The following KLHL17 variants were observed in gnomAD, a reference collection of about 807,000 sequenced individuals.
KLHL17 encodes the protein kelch like family member 17.
A neutral mutation model predicts 64.6 loss-of-function variants in KLHL17; 71 were observed. That is an observed-to-expected ratio of 1.10 (90% CI 0.91 to 1.34). KLHL17 has a LOEUF of 1.34. Ranked by LOEUF, KLHL17 falls within the 40% of genes most tolerant of loss-of-function variation. The pLI is 0.00. For synonymous variants in KLHL17, 612 were observed against 405.4 expected, an observed-to-expected ratio of 1.51 and a Z score of -6.12; for missense variants, 1,140 against 935.0, an observed-to-expected ratio of 1.22 and a Z score of -2.86.
In KLHL17 at chr1:964,110, G is replaced by A; in HGVS notation, c.1448G>A (p.Gly483Glu). 2 of 1,612,696 alleles carry A rather than the reference G, an allele frequency of 1.2e-6. No individual in the cohort carries two copies. The highest frequency in any genetic ancestry group is 8.5e-7 in the Non-Finnish European group (1 of 1,179,928). ...CGGGTGTGTTGACTTCCGGCAGATGGGAACCTGTATGCTGTGGGCGGCTAC... is the reference window on the plus strand; with the variant it reads ...CGGGTGTGTTGACTTCCGGCAGATGAGAACCTGTATGCTGTGGGCGGCTAC... ...RRYVRVATLD[G>E]NLYAVGGYDS... Residue 483 changes from glycine to glutamate, a missense_variant, in exon 10 of 12, where the codon GGG (glycine) becomes GAG (glutamate). By Grantham distance (98) the Gly-to-Glu change is moderately conservative. Transcript: ENST00000338591.
Position 963,692 on chromosome 1 carries a change from C to T in KLHL17, c.1355+188C>T, listed in dbSNP as rs371486484. 138 of 833,054 alleles carry T rather than the reference C, an allele frequency of 1.7e-4. No individual in the cohort carries two copies. In the East Asian group the frequency reaches 2.2e-3, roughly 13 times the overall value. 51.6% of individuals were successfully genotyped at this position (833,054 alleles called of 1,614,324 possible). A position where few individuals can be genotyped will look rare whatever the true frequency, so the allele number is the denominator to read the frequency against. ...GCTGCCCCAGTGCCCTTTCCTCTCTCGGGTCCTTACCCCCAGTCCAGAGGC... is the reference window on the plus strand; with the variant it reads ...GCTGCCCCAGTGCCCTTTCCTCTCTTGGGTCCTTACCCCCAGTCCAGAGGC... On this transcript the variant is annotated intron_variant, in intron 8 of 11. Coordinates refer to ENST00000338591, the MANE Select transcript of KLHL17 (RefSeq NM_198317.3).
At position 965,490 on chromosome 1, in the gene KLHL17, C is replaced by G. The variant is rs1442379239; in HGVS notation, c.*299C>G. The G allele has an allele frequency of 2.3e-6, 1 of 432,412 alleles. No homozygotes were observed. The highest frequency in any genetic ancestry group is 3.9e-5 in the East Asian group (1 of 25,512). The allele number at this position is 432,412 out of a possible 1,614,324, so 26.8% of individuals were successfully genotyped here. A position where few individuals can be genotyped will look rare whatever the true frequency, so the allele number is the denominator to read the frequency against. On this transcript the variant is annotated 3_prime_UTR_variant, in exon 12 of 12. Transcript: ENST00000338591. ...GCCCCAGGGCCGTTGCCTGCTCAGA[C>G]CTTGCAGGCTGTGGAGCAAGAGGCC...
In KLHL17 at chr1:962,665, C is replaced by T. The variant is rs186293310; in HGVS notation, c.829-39C>T. 86 of 1,549,294 alleles carry T rather than the reference C, an allele frequency of 5.6e-5. No individual in the cohort carries two copies. The African/African-American group carries it at 8.0e-4, about 14-fold the overall frequency. ...TCTCAGCCCTGACGCCCAGTGTGCC[C>T]GAGGGTCCCGCCTGACCTTGGCGTT... On this transcript the variant is annotated intron_variant, in intron 5 of 11. Coordinates refer to ENST00000338591, the MANE Select transcript of KLHL17 (RefSeq NM_198317.3).
chr1:963,852 G>GGC, intron 8 of KLHL17, 68 bp from the exon 9 acceptor site: 2 of 1,499,214 alleles, frequency 1.3e-6, no homozygotes, highest in Non-Finnish European at 9.3e-7. Flanking sequence ...CGCTGGGGAG[G>GGC]GCAGGTCCTG....
chr1:961,292 G>T lies in KLHL17; in HGVS notation c.108-1G>T. On this transcript the variant is annotated splice_acceptor_variant, in intron 1 of 11. Transcript: ENST00000338591. LOFTEE classifies it high-confidence loss of function. ...AAGCCTGACCCGCCCGCCTCCTGCA[G>T]CCCCGAGGCAGAGCGCACGCGGCCC... 1 of 1,503,984 alleles carries T rather than the reference G, an allele frequency of 6.6e-7. No homozygotes were observed. The highest frequency in any genetic ancestry group is 8.8e-7 in the Non-Finnish European group (1 of 1,135,650). 93.2% of individuals were successfully genotyped at this position (1,503,984 alleles called of 1,614,324 possible).
intron 8 of KLHL17, 200 bp downstream of exon 8, chr1:963,704 C>G: frequency 2.4e-6 from 2 of 822,892 alleles, no homozygotes; most frequent in Non-Finnish European, 3.7e-6. Flanking sequence ...GGTCCTTACC[C>G]CCAGTCCAGA....
chr1:961,593 C>T (rs1449688843), intron 2 of KLHL17, 36 bp from the exon 3 acceptor site: 1 of 1,612,752 alleles, frequency 6.2e-7, no homozygotes, highest in Non-Finnish European at 8.5e-7. Context: ...TCCGTGGGTC[C>T]CTCGGGTCAG....
At chr1:962,601 G>T in intron 5 of KLHL17, 103 bp from the exon 6 acceptor site, 2 of 1,520,084 alleles carry the variant, frequency 1.3e-6, no homozygotes, top group Non-Finnish European at 1.8e-6. Context: ...GTCTGAAGAA[G>T]AATCCATCAC....
Position 964,344 on chromosome 1 carries a change from C to T in KLHL17, c.1519-5C>T, listed in dbSNP as rs1642801838. 2 of 1,555,652 alleles carry T rather than the reference C, an allele frequency of 1.3e-6. No homozygotes were observed. Among genetic ancestry groups the T allele is most frequent in the Admixed American group, 1.9e-5 (1 of 51,724 alleles). ...TCTGCGTCCAGCCCACGCCCTCGCCCCCAGGTGAACGTGTGGTCGCCCGTG... is the reference window on the plus strand; with the variant it reads ...TCTGCGTCCAGCCCACGCCCTCGCCTCCAGGTGAACGTGTGGTCGCCCGTG... On this transcript the variant is annotated splice_polypyrimidine_tract_variant and splice_region_variant and intron_variant, in intron 10 of 11. Transcript: ENST00000338591.
At chr1:963,297 G>A (rs368223179) in intron 7 of KLHL17, 40 bp from the exon 8 acceptor site, 147 of 1,599,122 alleles carry the variant, frequency 9.2e-5, no homozygotes, top group Non-Finnish European at 1.2e-4. Flanking sequence ...GCACGTGCCC[G>A]CCAGGCCAGT....
At position 961,795 on chromosome 1, in the gene KLHL17, C is replaced by A. The variant is rs773284714; in HGVS notation, c.490-31C>A. 3.7e-6 allele frequency: 6 copies of A among 1,610,896 alleles called. No individual in the cohort carries two copies. In the Admixed American group the frequency reaches 8.3e-5, roughly 22 times the overall value. ...GATCCCGGTGTCCCCCGACCCTGTG[C>A]CTCCCTCACCTGCCTCTCGGTGCCC... is the stretch of plus-strand genomic sequence containing the variant. On this transcript the variant is annotated intron_variant, in intron 3 of 11. Coordinates refer to ENST00000338591, the MANE Select transcript of KLHL17 (RefSeq NM_198317.3).
chr1:964,293 G>A (rs911057737), intron 10 of KLHL17, 56 bp from the exon 11 acceptor site: 56 of 1,581,138 alleles, frequency 3.5e-5, no homozygotes, highest in South Asian at 1.7e-4. Context: ...TCGGGGCTGC[G>A]GCAGAGGAGG....
In KLHL17 at chr1:965,143, C is replaced by T; in HGVS notation, c.1881C>T (p.Phe627=). 2.5e-6 allele frequency: 4 copies of T among 1,612,598 alleles called. No homozygotes were observed. The highest frequency in any genetic ancestry group is 2.2e-5 in the East Asian group (1 of 44,874). The part of the protein sequence containing the change: ...VGVAVLELLN[F]PPPSSPTLSV... ...TGGCGGTGCTGGAGCTGCTCAATTT[C>T]CCGCCGCCATCCTCCCCGACGCTGT... The change falls in exon 12 of 12, where the codon TTC becomes TTT. Residue 627 remains phenylalanine (F), a synonymous_variant. Coordinates refer to ENST00000338591, the MANE Select transcript of KLHL17 (RefSeq NM_198317.3).
rs776086055 is a variant in KLHL17 at position 965,693 on chromosome 1, TAATA to T, written c.*505_*508del. ...CCCACACAGCAATACGAGTCCAACT[TAATA>T]AACACATTTCTGGGGTTCCTCAGGC... On this transcript the variant is annotated 3_prime_UTR_variant, in exon 12 of 12. Coordinates refer to ENST00000338591, the MANE Select transcript of KLHL17 (RefSeq NM_198317.3). The T allele has an allele frequency of 3.1e-5, 5 of 158,854 alleles. No individual in the cohort carries two copies. Among genetic ancestry groups the T allele is most frequent in the Admixed American group, 6.3e-5 (1 of 15,866 alleles). 9.8% of individuals were successfully genotyped at this position (158,854 alleles called of 1,614,324 possible).
In KLHL17 at chr1:964,354, C is replaced by T. The variant is rs540507100; in HGVS notation, c.1524C>T (p.Asn508=). The change falls in exon 11 of 12, where the codon AAC becomes AAT. Residue 508 remains asparagine, a synonymous_variant. Transcript: ENST00000338591. ...GCCCACGCCCTCGCCCCCAGGTGAA[C>T]GTGTGGTCGCCCGTGGCGTCCATGC... ...ATVEKYEPQV[N]VWSPVASMLS... is the part of the protein sequence containing the mutation. 100 of 1,554,444 alleles carry T rather than the reference C, an allele frequency of 6.4e-5. No homozygotes were observed. Among genetic ancestry groups the T allele is most frequent in the Non-Finnish European group, 7.6e-5 (87 of 1,151,722 alleles).
At position 963,445 on chromosome 1, in the gene KLHL17, C is replaced by T. The variant is rs754321508; in HGVS notation, c.1296C>T (p.Ala432=). The T allele has an allele frequency of 2.1e-5, 34 of 1,612,618 alleles. No individual in the cohort carries two copies. The highest frequency in any genetic ancestry group is 2.5e-5 in the Non-Finnish European group (29 of 1,179,874). The change falls in exon 8 of 12, where the codon GCC becomes GCT. Residue 432 remains alanine, a synonymous_variant. Transcript: ENST00000338591. ...MGTRRSCLGV[A]ALHGLLYSAG... The stretch of plus-strand genomic sequence containing the variant: ...CAAGGCGAAGCTGCCTGGGTGTGGC[C>T]GCCTTGCATGGACTCCTGTACTCGG...
At chr1:962,606 C>T (rs1428080061) in intron 5 of KLHL17, 98 bp from the exon 6 acceptor site, 6 of 1,520,484 alleles carry the variant, frequency 3.9e-6, no homozygotes, top group Admixed American at 2.0e-5. Context: ...AAGAAGAATC[C>T]ATCACACAGG....
In KLHL17 at chr1:964,421, G is replaced by T. The variant is rs1318281425; in HGVS notation, c.1591G>T (p.Ala531Ser). The T allele has an allele frequency of 1.3e-6, 2 of 1,552,764 alleles. No individual in the cohort carries two copies. The highest frequency in any genetic ancestry group is 8.7e-7 in the Non-Finnish European group (1 of 1,149,322). The change falls in exon 11 of 12, where the codon GCC becomes TCC. Residue 531 changes from alanine (A) to serine (S), a missense_variant. Coordinates refer to ENST00000338591, the MANE Select transcript of KLHL17 (RefSeq NM_198317.3). ...SSAGVAVLEG[A>S]LYVAGGNDGT... Reference sequence around the variant, plus strand: ...AGCGGGCGTGGCCGTGCTGGAGGGTGCCCTGTACGTGGCAGGGGGCAACGA... The same window carrying T: ...AGCGGGCGTGGCCGTGCTGGAGGGTTCCCTGTACGTGGCAGGGGGCAACGA...
At chr1:962,234 G>A (rs1340376497) in intron 4 of KLHL17, 121 bp from the exon 5 acceptor site, 14 of 1,509,486 alleles carry the variant, frequency 9.3e-6, no homozygotes, top group Admixed American at 7.4e-5. Flanking sequence ...GACTCTGCTC[G>A]GCCCCTCCCA....
Sources: allele counts gnomAD v4.1 joint callset, GRCh38; gene constraint gnomAD v4.1.1; transcripts MANE v1.5; gene names NCBI Gene and HGNC (gene_info 2026-07-23, HGNC 2026-07-21).